The following RXRG variants were observed in gnomAD, a reference collection of about 807,000 sequenced individuals.
RXRG encodes retinoic acid receptor RXR-gamma.
Under a neutral mutation model 49.2 loss-of-function variants are expected in RXRG, and 19 were observed. That is an observed-to-expected ratio of 0.39 (90% CI 0.27 to 0.57). The LOEUF (loss-of-function observed/expected upper bound fraction) is 0.57, where lower values mean the gene tolerates loss of function less well. Ranked by LOEUF, RXRG falls within the 20% of genes least tolerant of loss-of-function variation. The pLI is 0.64. For synonymous variants in RXRG, 224 were observed against 216.6 expected, an observed-to-expected ratio of 1.03 and a Z score of -0.30; for missense variants, 452 against 592.5, an observed-to-expected ratio of 0.76 and a Z score of 2.46.
chr1:165,412,138 C>G (rs1042560607), intron 4 of RXRG, among the ~76,000 whole-genome samples: 3 of 152,172 alleles, frequency 2.0e-5, no homozygotes, highest in Non-Finnish European at 4.4e-5. Flanking sequence ...AGATAATGAG[C>G]CCCAGAGGCT....
At chr1:165,435,200 C>A (rs1658787288) in intron 1 of RXRG, among the ~76,000 whole-genome samples, 1 of 152,198 alleles carries the variant, frequency 6.6e-6, no homozygotes, top group Admixed American at 6.5e-5. Context: ...GATTCAAAAT[C>A]TGAAATATCT....
At chr1:165,444,697 A>T in intron 1 of RXRG, 148 bp downstream of exon 1, 2 of 683,754 alleles carry the variant, frequency 2.9e-6, no homozygotes, top group South Asian at 3.8e-5. Flanking sequence ...GTGCACACAC[A>T]CGCTGAAACG....
chr1:165,440,624 C>A (rs550602682), intron 1 of RXRG, among the ~76,000 whole-genome samples: 1 of 152,144 alleles, frequency 6.6e-6, no homozygotes, highest in East Asian at 1.9e-4. Context: ...GATCACTGAG[C>A]CAGGGCTGAG....
Position 165,429,057 on chromosome 1 carries a change from T to C in RXRG, c.50-91A>G. The C allele has an allele frequency of 2.1e-6, 3 of 1,402,830 alleles. No individual in the cohort carries two copies. The South Asian group carries it at 4.1e-5, about 19-fold the overall frequency. The allele number at this position is 1,402,830 out of a possible 1,614,324, so 86.9% of individuals were successfully genotyped here. ...GGCCTAGCCCCACCTTTCTTTCCTG[T>C]ATCCTGCCCCTCTTTTAGCCACACC... On this transcript the variant is annotated intron_variant, in intron 1 of 9. Transcript: ENST00000359842.
At position 165,423,546 on chromosome 1, in the gene RXRG, T is replaced by C. The variant is rs1658390672; in HGVS notation, c.298-3532A>G. Among the ~76,000 whole-genome samples the C allele has an allele frequency of 2.0e-5, 3 of 152,166 alleles. No individual in the cohort carries two copies. The South Asian group carries it at 6.2e-4, about 32-fold the overall frequency. On this transcript the variant is annotated intron_variant, in intron 2 of 9. Coordinates refer to ENST00000359842, the MANE Select transcript of RXRG (RefSeq NM_006917.5). ...CCCGTTCCAGGGAGCAGAACTCTTA[T>C]AGTGGCACAGCCTTAATCTAGCTAA... is the stretch of plus-strand genomic sequence containing the variant.
At position 165,444,967 on chromosome 1, in the gene RXRG, G is replaced by A. The variant is rs1475871178; in HGVS notation, c.-74C>T. The A allele has an allele frequency of 1.4e-6, 2 of 1,446,036 alleles. No individual in the cohort carries two copies. Among genetic ancestry groups the A allele is most frequent in the Admixed American group, 1.7e-5 (1 of 59,524 alleles). 89.6% of individuals were successfully genotyped at this position (1,446,036 alleles called of 1,614,324 possible). A position where few individuals can be genotyped will look rare whatever the true frequency, so the allele number is the denominator to read the frequency against. On this transcript the variant is annotated 5_prime_UTR_variant, in exon 1 of 10. Transcript: ENST00000359842. Reference sequence around the variant, plus strand: ...CCGCCTCTCTCGGCTCCCAGGCACAGCCCGGCTTTCTTCAACTTGGGCTAA... The same window carrying A: ...CCGCCTCTCTCGGCTCCCAGGCACAACCCGGCTTTCTTCAACTTGGGCTAA...
At chr1:165,432,184 G>A (rs1658692489) in intron 1 of RXRG, among the ~76,000 whole-genome samples, 1 of 152,162 alleles carries the variant, frequency 6.6e-6, no homozygotes, top group Non-Finnish European at 1.5e-5. Context: ...TTAATAAGAA[G>A]TAAGTTAACT....
intron 3 of RXRG, 59 bp downstream of exon 3, chr1:165,419,811 G>A: frequency 1.4e-6 from 2 of 1,430,274 alleles, no homozygotes; most frequent in South Asian, 1.6e-5. Flanking sequence ...TATCCAGGCA[G>A]ACAGTGAGCA....
At chr1:165,438,903 C>A (rs192636436) in intron 1 of RXRG, among the ~76,000 whole-genome samples, 137 of 152,142 alleles carry the variant, frequency 9.0e-4, no homozygotes, top group African/African-American at 3.0e-3. Flanking sequence ...AATGTTAAGC[C>A]TATTTAAGAT....
rs989626885 is a variant in RXRG at position 165,445,021 on chromosome 1, C to G, written c.-128G>C. The G allele has an allele frequency of 9.8e-6, 8 of 815,802 alleles. No individual in the cohort carries two copies. In the Admixed American group the frequency reaches 1.3e-4, roughly 14 times the overall value. 50.5% of individuals were successfully genotyped at this position (815,802 alleles called of 1,614,324 possible). On this transcript the variant is annotated 5_prime_UTR_variant, in exon 1 of 10. Coordinates refer to ENST00000359842, the MANE Select transcript of RXRG (RefSeq NM_006917.5). ...GAGTGGTCATCGCTTCCTAGCAGCC[C>G]GGGGAGCACAGGCTGGGCCAGCCCT...
intron 1 of RXRG, among the ~76,000 whole-genome samples, chr1:165,437,429 A>G (rs1658849713): frequency 6.6e-6 from 1 of 152,198 alleles, no homozygotes; most frequent in African/African-American, 2.4e-5. Flanking sequence ...GAATTCAGGG[A>G]TTTAGAACCT....
At chr1:165,434,375 AC>A (rs1246280727) in intron 1 of RXRG, among the ~76,000 whole-genome samples, 9 of 152,010 alleles carry the variant, frequency 5.9e-5, no homozygotes, top group Non-Finnish European at 1.5e-5. Flanking sequence ...CAGAATTCTT[AC>A]CAAGGTAAGG....
At chr1:165,438,490 G>A (rs941371357) in intron 1 of RXRG, among the ~76,000 whole-genome samples, 4 of 152,104 alleles carry the variant, frequency 2.6e-5, no homozygotes, top group African/African-American at 9.7e-5. Flanking sequence ...ATTATATGGG[G>A]ATTAAGCACA....
intron 2 of RXRG, chr1:165,424,601 G>A (rs564017142): frequency 4.1e-5 from 7 of 171,950 alleles, no homozygotes; most frequent in African/African-American, 9.5e-5. Context: ...TACCAGTTCC[G>A]ATCTCTTTAC....
chr1:165,401,525 G>C, intron 9 of RXRG, 115 bp from the exon 10 acceptor site: 1 of 1,147,090 alleles, frequency 8.7e-7, no homozygotes. Context: ...TAAAAGAGCT[G>C]GAAGGGTAGA....
rs1658581244 is a variant in RXRG at position 165,428,930 on chromosome 1, G to A, written c.86C>T (p.Pro29Leu). The A allele has an allele frequency of 1.2e-6, 2 of 1,613,666 alleles. No homozygotes were observed. The highest frequency in any genetic ancestry group is 1.7e-5 in the Admixed American group (1 of 60,006). Reference protein sequence around the residue: ...PGHTGSTSMSPSAALSTGKPM... With the variant: ...PGHTGSTSMSLSAALSTGKPM... Reference sequence around the variant, plus strand: ...CTTCCCTGTGGACAAGGCTGCTGATGGGCTCATGGATGTAGAGCCAGTGTG... The same window carrying A: ...CTTCCCTGTGGACAAGGCTGCTGATAGGCTCATGGATGTAGAGCCAGTGTG... The change falls in exon 2 of 10, where the codon CCA (proline) becomes CTA (leucine). Residue 29 changes from proline (P) to leucine (L), a missense_variant. Pro to Leu is a moderately conservative substitution (Grantham distance 98). This residue lies in a region of RXRG where 166 missense variants were observed against 151.7 expected (regional missense o/e 1.09). Coordinates refer to ENST00000359842, the MANE Select transcript of RXRG (RefSeq NM_006917.5).
intron 1 of RXRG, chr1:165,437,324 A>G (rs1296811856): frequency 1.2e-6 from 1 of 848,084 alleles, no homozygotes; most frequent in Non-Finnish European, 1.7e-6. Flanking sequence ...CAGAATGTAC[A>G]AACTAGTTAC....
intron 8 of RXRG, among the ~76,000 whole-genome samples, chr1:165,407,882 A>T (rs906704226): frequency 6.6e-6 from 1 of 151,436 alleles, no homozygotes; most frequent in African/African-American, 2.4e-5. Flanking sequence ...AGAGTCATCT[A>T]TAACTCCTTT....
chr1:165,429,295 G>A (rs193030646), intron 1 of RXRG, among the ~76,000 whole-genome samples: 6 of 152,300 alleles, frequency 3.9e-5, no homozygotes, highest in Non-Finnish European at 8.8e-5. Context: ...AGTGACTGAG[G>A]CCTGGGCCAG....
Sources: gnomAD v4.1 joint callset for allele counts (sites outside exome capture counted in the v4.1 genomes callset) on GRCh38, gnomAD v4.1.1 for gene constraint, gnomAD v4.1.1 regional missense constraint, MANE v1.5 for transcripts, NCBI Gene and HGNC (gene_info 2026-07-23, HGNC 2026-07-21) for gene names.